Variants in DGKI observed in about 807,000 individuals in gnomAD.
DGKI encodes the protein diacylglycerol kinase iota.
In DGKI, 55 loss-of-function variants were observed where a neutral mutation model predicts 147.5. The ratio of observed to expected loss-of-function variants is 0.37; its 90% confidence interval spans 0.30 to 0.47. The LOEUF (loss-of-function observed/expected upper bound fraction) is 0.47, where lower values mean the gene tolerates loss of function less well. Among genes scored for constraint, DGKI ranks in the 20% least tolerant of loss-of-function variants. The pLI, the probability that DGKI is intolerant of heterozygous loss-of-function variation, is 1.00. For synonymous variants in DGKI, 469 were observed against 477.1 expected (o/e 0.98, Z 0.22); for missense variants, 1,007 against 1,323.8 (o/e 0.76, Z 3.71).
intron 6 of DGKI, among the ~76,000 whole-genome samples, chr7:137,639,337 G>C (rs1821536459): frequency 6.6e-6 from 1 of 152,202 alleles, no homozygotes; most frequent in African/African-American, 2.4e-5. Context: ...CCCTGCTGAG[G>C]AAGTGAGGAA....
At chr7:137,604,448 C>A (rs1031587533) in intron 10 of DGKI, among the ~76,000 whole-genome samples, 1 of 152,194 alleles carries the variant, frequency 6.6e-6, no homozygotes, top group African/African-American at 2.4e-5. Flanking sequence ...CTTGATGTGA[C>A]TGGCCCCTGA....
intron 28 of DGKI, among the ~76,000 whole-genome samples, chr7:137,413,265 CAAAAAAA>C (rs35856159): frequency 1.1e-5 from 1 of 92,630 alleles, no homozygotes; most frequent in Non-Finnish European, 2.2e-5. Context: ...GACTCCATCT[CAAAAAAA>C]AAAAAAAAAA....
intron 10 of DGKI, among the ~76,000 whole-genome samples, chr7:137,601,820 A>G (rs1270773175): frequency 1.3e-5 from 2 of 152,212 alleles, no homozygotes; most frequent in East Asian, 1.9e-4. Flanking sequence ...ACATAGGCCA[A>G]TGCAGGTCTT....
intron 20 of DGKI, among the ~76,000 whole-genome samples, chr7:137,522,790 T>G (rs1206562007): frequency 6.6e-6 from 1 of 152,132 alleles, no homozygotes; most frequent in Non-Finnish European, 1.5e-5. Flanking sequence ...AGTGGAATAA[T>G]TTGGTTTTCA....
At chr7:137,704,479 A>G (rs992562151) in intron 1 of DGKI, among the ~76,000 whole-genome samples, 1 of 152,174 alleles carries the variant, frequency 6.6e-6, no homozygotes, top group African/African-American at 2.4e-5. Context: ...AGACAGGAAA[A>G]AAAAGGGGAT....
chr7:137,711,934 C>T (rs777220831), intron 1 of DGKI, among the ~76,000 whole-genome samples: 2 of 151,718 alleles, frequency 1.3e-5, no homozygotes, highest in South Asian at 2.1e-4. Context: ...TCTCGTGATC[C>T]GCCCACCTCT....
At chr7:137,824,515 C>CAA (rs532349887) in intron 1 of DGKI, among the ~76,000 whole-genome samples, 1 of 56,582 alleles carries the variant, frequency 1.8e-5, no homozygotes, top group South Asian at 4.7e-4. Flanking sequence ...GACTCCATCT[C>CAA]AAAAAAAAAA....
intron 21 of DGKI, among the ~76,000 whole-genome samples, chr7:137,516,690 C>T (rs1816756632): frequency 6.6e-6 from 1 of 151,870 alleles, no homozygotes; most frequent in South Asian, 2.1e-4. Flanking sequence ...CTAGTTTCAT[C>T]TTTCAATGAC....
At chr7:137,672,858 G>T (rs1449090877) in intron 3 of DGKI, among the ~76,000 whole-genome samples, 1 of 133,528 alleles carries the variant, frequency 7.5e-6, no homozygotes, top group Non-Finnish European at 1.5e-5. Flanking sequence ...TCGGCTTACC[G>T]CAACCTCCGC....
intron 29 of DGKI, 69 bp from the exon 30 acceptor site, chr7:137,408,064 T>C: frequency 6.3e-7 from 1 of 1,578,188 alleles, no homozygotes; most frequent in African/African-American, 1.4e-5. Flanking sequence ...TAACCGGTAA[T>C]AAAATGAGAG....
intron 1 of DGKI, among the ~76,000 whole-genome samples, chr7:137,691,798 G>GTTT (rs796902464): frequency 3.9e-4 from 37 of 95,806 alleles, no homozygotes; most frequent in South Asian, 1.6e-3. Context: ...AGACCTTTGG[G>GTTT]TTTTTTTTTT....
At chr7:137,596,049 A>C (rs1223524913) in intron 12 of DGKI, among the ~76,000 whole-genome samples, 18 of 150,628 alleles carry the variant, frequency 1.2e-4, no homozygotes, top group African/African-American at 4.4e-4. Context: ...AAAGAAAAGA[A>C]AAGGAAGAAG....
chr7:137,436,250 G>A (rs1190429450), intron 28 of DGKI, among the ~76,000 whole-genome samples: 1 of 152,112 alleles, frequency 6.6e-6, no homozygotes, highest in Non-Finnish European at 1.5e-5. Context: ...GAAGTATGGG[G>A]CTACAAGAAG....
chr7:137,665,618 C>T (rs1822610643), intron 3 of DGKI, among the ~76,000 whole-genome samples: 1 of 152,096 alleles, frequency 6.6e-6, no homozygotes. Context: ...TAGCACCTCC[C>T]CTGAGTAACC....
At chr7:137,478,352 C>G (rs1289097630) in intron 23 of DGKI, among the ~76,000 whole-genome samples, 1 of 152,184 alleles carries the variant, frequency 6.6e-6, no homozygotes, top group East Asian at 1.9e-4. Context: ...CATGACCACA[C>G]AGATGAATGG....
intron 25 of DGKI, among the ~76,000 whole-genome samples, 181 bp downstream of exon 25, chr7:137,466,719 CTT>C (rs1267404280): frequency 2.0e-5 from 3 of 152,116 alleles, no homozygotes; most frequent in Admixed American, 6.5e-5. Context: ...GCCACATCAT[CTT>C]GAGTCCATAA....
At chr7:137,821,650 G>GA (rs760544126) in intron 1 of DGKI, among the ~76,000 whole-genome samples, 2,122 of 115,850 alleles carry the variant, frequency 0.018, 35 homozygotes, top group African/African-American at 0.049. Flanking sequence ...ACATACATCA[G>GA]AAAAAAAAAA....
At position 137,407,897 on chromosome 7, in the gene DGKI, A is replaced by C; in HGVS notation, c.2898T>G (p.Ile966Met). The change falls in exon 30 of 33, where the codon ATT becomes ATG. Residue 966 changes from isoleucine (I) to methionine (M), a missense_variant. Ile to Met is a conservative substitution (Grantham distance 10). Around this residue, in one of 5 missense-constraint regions of DGKI, gnomAD observed 385 missense variants for 445.2 expected, o/e 0.86. Transcript: ENST00000614521. ...TACCGTGGTCAAGGATATATTTCACAATCTCCCCGTTGCCGGTTTTAGCTG... is the reference window on the plus strand; with the variant it reads ...TACCGTGGTCAAGGATATATTTCACCATCTCCCCGTTGCCGGTTTTAGCTG... ...HYAAKTGNGE[I>M]VKYILDHGPS... 2 of 1,614,102 alleles carry C rather than the reference A, an allele frequency of 1.2e-6. No individual in the cohort carries two copies. The highest frequency in any genetic ancestry group is 1.7e-6 in the Non-Finnish European group (2 of 1,179,968).
At chr7:137,526,878 C>T (rs1031264173) in intron 20 of DGKI, among the ~76,000 whole-genome samples, 1 of 152,086 alleles carries the variant, frequency 6.6e-6, no homozygotes, top group African/African-American at 2.4e-5. Context: ...TAAGAGACGC[C>T]TCTCATCCAA....
Sources: gnomAD v4.1 joint callset for allele counts (sites outside exome capture counted in the v4.1 genomes callset) on GRCh38, gnomAD v4.1.1 for gene constraint, gnomAD v4.1.1 regional missense constraint, MANE v1.5 for transcripts, NCBI Gene and HGNC (gene_info 2026-07-23, HGNC 2026-07-21) for gene names.